Variants in NAV1 observed in about 807,000 individuals in gnomAD.
The protein encoded by NAV1 is pore membrane and/or filament interacting like protein 3.
A neutral mutation model predicts 175.2 loss-of-function variants in NAV1; 18 were observed. That is an observed-to-expected ratio of 0.10 (90% CI 0.07 to 0.15). The LOEUF is 0.15. Ranked by LOEUF, NAV1 falls within the 10% of genes least tolerant of loss-of-function variation. The pLI is 1.00. For synonymous variants in NAV1, 897 were observed against 978.7 expected (o/e 0.92, Z 1.56); for missense variants, 1,731 against 2,436.6 (o/e 0.71, Z 6.10).
chr1:201,727,911 G>A (rs533903528), intron 3 of NAV1, among the ~76,000 whole-genome samples: 1 of 152,290 alleles, frequency 6.6e-6, no homozygotes, highest in East Asian at 1.9e-4. Context: ...GCTGCACATA[G>A]GCTGAGAGGA....
chr1:201,551,334 T>G (rs541959425), intron 1 of NAV1, among the ~76,000 whole-genome samples: 34 of 152,284 alleles, frequency 2.2e-4, no homozygotes, highest in Admixed American at 2.0e-3. Flanking sequence ...GCTCAAGCGA[T>G]CTTCCCATCT....
At chr1:201,581,539 A>G (rs569813695) in intron 1 of NAV1, among the ~76,000 whole-genome samples, 2 of 152,274 alleles carry the variant, frequency 1.3e-5, no homozygotes, top group East Asian at 3.9e-4. Context: ...AGTTAAAAAC[A>G]GAGCTCCGGC....
exon 1 of NAV1, chr1:201,648,880 G>T: frequency 6.2e-7 from 1 of 1,612,548 alleles, no homozygotes; most frequent in Non-Finnish European, 8.5e-7. Context: ...AAGTCCGGCA[G>T]CGTGGACAGC....
Position 201,756,801 on chromosome 1 carries a change from TTTCTTTCC to T in NAV1, c.1227-23612_1227-23605del, listed in dbSNP as rs1241762861. Among the ~76,000 whole-genome samples the T allele has an allele frequency of 8.1e-4, 33 of 40,594 alleles. 2 individuals carry two copies. Among genetic ancestry groups the T allele is most frequent in the African/African-American group, 3.2e-3 (25 of 7,762 alleles). 26.6% of individuals were successfully genotyped at this position (40,594 alleles called of 152,430 possible). Reference sequence around the variant, plus strand: ...AAGAACTAATGAGCAATTCTCTTTCTTTCTTTCCTTCTTTCTTTCTTTCTTTCTTTCTT... The same window carrying T: ...AAGAACTAATGAGCAATTCTCTTTCTTTCTTTCTTTCTTTCTTTCTTTCTT... On this transcript the variant is annotated intron_variant, in intron 3 of 29. Transcript: ENST00000367296.
chr1:201,569,698 T>G (rs876244), intron 1 of NAV1, among the ~76,000 whole-genome samples: 10,139 of 152,288 alleles, frequency 0.067, 429 homozygotes, highest in African/African-American at 0.11. Context: ...AGGGGCCCTG[T>G]GATCATGGGA....
At chr1:201,707,018 A>T (rs1377344032) in intron 1 of NAV1, among the ~76,000 whole-genome samples, 3 of 152,196 alleles carry the variant, frequency 2.0e-5, no homozygotes, top group African/African-American at 7.2e-5. Context: ...ACGATACTCC[A>T]CAGCTAAGAT....
chr1:201,542,062 C>G (rs1013488908), intron 1 of NAV1, among the ~76,000 whole-genome samples: 1 of 152,210 alleles, frequency 6.6e-6, no homozygotes, highest in Non-Finnish European at 1.5e-5. Flanking sequence ...AACCCCTGCT[C>G]TTCTCCCCTT....
intron 1 of NAV1, among the ~76,000 whole-genome samples, chr1:201,685,768 GA>G (rs1670661639): frequency 6.6e-6 from 1 of 152,160 alleles, no homozygotes; most frequent in African/African-American, 2.4e-5. Flanking sequence ...GCAGGTCCAG[GA>G]AACATAGCCA....
intron 1 of NAV1, among the ~76,000 whole-genome samples, chr1:201,587,504 G>A (rs550195305): frequency 1.3e-5 from 2 of 151,660 alleles, no homozygotes; most frequent in Admixed American, 6.6e-5. Context: ...TGGGAAACAC[G>A]GCAAAACCTC....
chr1:201,813,067 A>G lies in NAV1; in HGVS notation c.5222-73A>G. 1 of 1,079,718 alleles carries G rather than the reference A, an allele frequency of 9.3e-7. No homozygotes were observed. The highest frequency in any genetic ancestry group is 1.4e-6 in the Non-Finnish European group (1 of 707,478). 66.9% of individuals were successfully genotyped at this position (1,079,718 alleles called of 1,614,324 possible). A position where few individuals can be genotyped will look rare whatever the true frequency, so the allele number is the denominator to read the frequency against. On this transcript the variant is annotated intron_variant, in intron 27 of 29. Coordinates refer to ENST00000367296, the Ensembl canonical transcript of NAV1. The surrounding 1 kb of genome is among the most constrained non-coding windows in gnomAD (Gnocchi z 4.2). ...TGTCAGACCCCTCTGCCTGGTACTA[A>G]GGAGTAAAAGAGGCACACAACCGGG...
At position 201,785,298 on chromosome 1, in the gene NAV1, T is replaced by C; in HGVS notation, c.2805-12T>C. ...TCTCTCTCTCTTTTTTTTTTTTTTT[T>C]TATCTCCACAGTAATCAGCGGGATC... On this transcript the variant is annotated splice_polypyrimidine_tract_variant and intron_variant, in intron 7 of 29. Transcript: ENST00000367296. 1 of 1,587,332 alleles carries C rather than the reference T, an allele frequency of 6.3e-7. No homozygotes were observed. Among genetic ancestry groups the C allele is most frequent in the Non-Finnish European group, 8.5e-7 (1 of 1,170,228 alleles).
chr1:201,823,357 T>C (rs1679492449), exon 30 of NAV1: 1 of 125,642 alleles, frequency 8.0e-6, no homozygotes, highest in African/African-American at 2.7e-5. Flanking sequence ...TGGGACCTGA[T>C]GTCTGCGTGT....
Position 201,718,585 on chromosome 1 carries a change from C to T in NAV1, c.1056C>T (p.Ala352=). 6.2e-7 allele frequency: 1 copy of T among 1,614,126 alleles called. No homozygotes were observed. Among genetic ancestry groups the T allele is most frequent in the South Asian group, 1.1e-5 (1 of 91,078 alleles). The stretch of plus-strand genomic sequence containing the variant: ...CCTGGTACATGCACGGCGAACGGGC[C>T]CACTACTCCCACACCATGCCCATGC... The change falls in exon 3 of 30, where the codon GCC becomes GCT. Residue 352 remains alanine, a synonymous_variant. Coordinates refer to ENST00000367296, the Ensembl canonical transcript of NAV1. The surrounding 1 kb of genome is among the most constrained non-coding windows in gnomAD (Gnocchi z 4.8).
chr1:201,589,266 T>C (rs1667122922), intron 2 of NAV1, among the ~76,000 whole-genome samples: 1 of 152,134 alleles, frequency 6.6e-6, no homozygotes, highest in South Asian at 2.1e-4. Context: ...AGAGCACCCA[T>C]TAACATGCAG....
chr1:201,572,871 C>T (rs1666588045), intron 1 of NAV1, among the ~76,000 whole-genome samples: 1 of 152,122 alleles, frequency 6.6e-6, no homozygotes, highest in African/African-American at 2.4e-5. Flanking sequence ...CAGCTGTGCT[C>T]TTCTTGGGAA....
intron 2 of NAV1, among the ~76,000 whole-genome samples, chr1:201,631,625 G>A (rs1224861489): frequency 6.6e-6 from 1 of 152,252 alleles, no homozygotes; most frequent in Non-Finnish European, 1.5e-5. Context: ...CCCTATAGGG[G>A]TTGACAAGGC....
At chr1:201,661,206 A>G (rs952232415) in intron 1 of NAV1, among the ~76,000 whole-genome samples, 16 of 152,294 alleles carry the variant, frequency 1.1e-4, no homozygotes, top group African/African-American at 3.4e-4. Flanking sequence ...TTGATGTTCT[A>G]GAACCCTTGC....
At chr1:201,631,690 G>A (rs901383137) in intron 2 of NAV1, among the ~76,000 whole-genome samples, 2 of 152,202 alleles carry the variant, frequency 1.3e-5, no homozygotes, top group African/African-American at 4.8e-5. Context: ...AGGGCACTGA[G>A]CTTATTATCC....
chr1:201,578,717 T>A (rs1318418729), intron 1 of NAV1, among the ~76,000 whole-genome samples: 1 of 152,248 alleles, frequency 6.6e-6, no homozygotes, highest in Non-Finnish European at 1.5e-5. Flanking sequence ...TGCCCTTCGC[T>A]GCCCTGGATG....
Sources: gnomAD v4.1 joint callset for allele counts (sites outside exome capture counted in the v4.1 genomes callset) on GRCh38, gnomAD v4.1.1 for gene constraint, Gnocchi (gnomAD v3.1) non-coding constraint, MANE v1.5 for transcripts, NCBI Gene and HGNC (gene_info 2026-07-23, HGNC 2026-07-21) for gene names.